Variants in ZNHIT6 observed in about 807,000 individuals in gnomAD.
ZNHIT6 encodes zinc finger HIT-type containing 6.
A neutral mutation model predicts 57.2 loss-of-function variants in ZNHIT6; 45 were observed. That is an observed-to-expected ratio of 0.79 (90% CI 0.62 to 1.01). ZNHIT6 has a LOEUF of 1.01. Among genes scored for constraint, ZNHIT6 ranks in the 50% least tolerant of loss-of-function variants. The probability of loss-of-function intolerance (pLI) is 0.00; values close to 1 mark genes in which losing one functional copy is unlikely to be tolerated. For synonymous variants in ZNHIT6, 188 were observed against 190.0 expected (o/e 0.99, Z 0.09); for missense variants, 528 against 567.3 (o/e 0.93, Z 0.70).
chr1:85,707,425 T>C (rs115850100), intron 1 of ZNHIT6, among the ~76,000 whole-genome samples: 174 of 152,290 alleles, frequency 1.1e-3, no homozygotes, highest in Non-Finnish European at 2.0e-3. Flanking sequence ...ACTAATTTCA[T>C]GTATTTTCAC....
chr1:85,687,122 CA>C (rs1234074736), intron 5 of ZNHIT6, among the ~76,000 whole-genome samples: 1 of 147,482 alleles, frequency 6.8e-6, no homozygotes, highest in Non-Finnish European at 1.5e-5. Context: ...ATACAAAAAA[CA>C]AAAAAAAATT....
At chr1:85,671,906 A>C (rs1661565694) in intron 8 of ZNHIT6, among the ~76,000 whole-genome samples, 1 of 152,210 alleles carries the variant, frequency 6.6e-6, no homozygotes, top group Non-Finnish European at 1.5e-5. Context: ...GGAAGCAGTT[A>C]CAATAAACTT....
At chr1:85,687,448 C>G (rs376607886) in intron 5 of ZNHIT6, among the ~76,000 whole-genome samples, 4 of 151,906 alleles carry the variant, frequency 2.6e-5, no homozygotes, top group East Asian at 1.9e-4. Flanking sequence ...TGAAACTAGA[C>G]ACATTAATAC....
chr1:85,698,029 TA>T (rs1349063965), intron 5 of ZNHIT6, among the ~76,000 whole-genome samples: 1 of 152,152 alleles, frequency 6.6e-6, no homozygotes, highest in Non-Finnish European at 1.5e-5. Context: ...TACTCCAAAA[TA>T]AGGAGGAGAG....
chr1:85,698,159 C>T (rs534329518), intron 5 of ZNHIT6, among the ~76,000 whole-genome samples: 3 of 152,304 alleles, frequency 2.0e-5, no homozygotes, highest in Non-Finnish European at 2.9e-5. Context: ...CACTGTGGTA[C>T]TCCTGCAAAT....
chr1:85,662,870 A>G (rs1339051222), intron 8 of ZNHIT6, among the ~76,000 whole-genome samples: 1 of 152,214 alleles, frequency 6.6e-6, no homozygotes, highest in Non-Finnish European at 1.5e-5. Flanking sequence ...TAACCATGAT[A>G]TTTAAACTAT....
chr1:85,675,096 C>T (rs1017331263), intron 8 of ZNHIT6, among the ~76,000 whole-genome samples: 12 of 152,092 alleles, frequency 7.9e-5, no homozygotes, highest in African/African-American at 2.9e-4. Flanking sequence ...GATGTTATGT[C>T]CCCAAAGGGA....
chr1:85,704,247 C>G (rs1463400221), intron 4 of ZNHIT6, among the ~76,000 whole-genome samples: 99 of 152,118 alleles, frequency 6.5e-4, no homozygotes, highest in Non-Finnish European at 5.9e-5. Context: ...GCATACCACA[C>G]AACAAAGCAA....
intron 5 of ZNHIT6, among the ~76,000 whole-genome samples, chr1:85,689,580 A>G (rs1408564483): frequency 1.3e-5 from 2 of 152,180 alleles, no homozygotes; most frequent in African/African-American, 4.8e-5. Flanking sequence ...AAAAAGGTTA[A>G]CTATGTGGTA....
intron 8 of ZNHIT6, among the ~76,000 whole-genome samples, chr1:85,660,322 A>C (rs1237392999): frequency 1.3e-5 from 2 of 152,202 alleles, no homozygotes; most frequent in African/African-American, 4.8e-5. Context: ...TAGCTAAATC[A>C]TAAGGCTTCT....
At chr1:85,657,697 C>T in intron 9 of ZNHIT6, 150 bp downstream of exon 9, 1 of 676,988 alleles carries the variant, frequency 1.5e-6, no homozygotes, top group South Asian at 2.6e-5. Context: ...ATTGCATTTA[C>T]CTGGTTCTTC....
intron 5 of ZNHIT6, among the ~76,000 whole-genome samples, chr1:85,695,881 A>C (rs1435932104): frequency 1.3e-5 from 2 of 152,166 alleles, no homozygotes; most frequent in African/African-American, 4.8e-5. Flanking sequence ...CTAAAAATAC[A>C]AAAAATTAGC....
At position 85,662,224 on chromosome 1, in the gene ZNHIT6, C is replaced by T. The variant is rs1263314331; in HGVS notation, c.1248-4253G>A. 1.3e-5 allele frequency among the ~76,000 whole-genome samples: 2 copies of T among 151,264 alleles called. 1 individual carries two copies. The highest frequency in any genetic ancestry group is 4.9e-5 in the African/African-American group (2 of 41,212). ...TTTAAAGAAACGAAATCACAAACCA[C>T]TTTATGTCCCATCTGATCACTGACA... On this transcript the variant is annotated intron_variant, in intron 8 of 9. Coordinates refer to ENST00000370574, the MANE Select transcript of ZNHIT6 (RefSeq NM_017953.4).
intron 9 of ZNHIT6, among the ~76,000 whole-genome samples, chr1:85,655,241 A>G (rs1431269049): frequency 6.6e-6 from 1 of 152,282 alleles, no homozygotes; most frequent in South Asian, 2.1e-4. Flanking sequence ...TTGTATAATA[A>G]GTTTTACATG....
intron 9 of ZNHIT6, among the ~76,000 whole-genome samples, chr1:85,657,096 A>T (rs915720143): frequency 1.3e-5 from 2 of 152,114 alleles, no homozygotes; most frequent in African/African-American, 4.8e-5. Flanking sequence ...AATCTTCCTC[A>T]CTTCTTAAAG....
intron 8 of ZNHIT6, among the ~76,000 whole-genome samples, chr1:85,667,405 C>G (rs887832448): frequency 6.6e-6 from 1 of 152,074 alleles, no homozygotes; most frequent in Non-Finnish European, 1.5e-5. Flanking sequence ...AAAACTTATT[C>G]AGGGCCTTCA....
Position 85,702,171 on chromosome 1 carries a change from G to A in ZNHIT6, c.1005C>T (p.Thr335=), listed in dbSNP as rs1662554545. ...NGFTKRKENS[T]FFDKKKQQFC... ...TAGAAACTTACTTCTTATCAAAAAA[G>A]GTTGAATTCTCCTTCCTCTTGGTGA... Residue 335 remains threonine (T), a synonymous_variant, in exon 5 of 10, where the codon ACC becomes ACT. Transcript: ENST00000370574. 1 of 1,603,902 alleles carries A rather than the reference G, an allele frequency of 6.2e-7. No homozygotes were observed. Among genetic ancestry groups the A allele is most frequent in the Non-Finnish European group, 8.5e-7 (1 of 1,176,248 alleles).
At chr1:85,662,155 TAAA>T (rs5775861) in intron 8 of ZNHIT6, among the ~76,000 whole-genome samples, 1 of 144,844 alleles carries the variant, frequency 6.9e-6, no homozygotes, top group African/African-American at 2.6e-5. Flanking sequence ...TAGTGTGCTT[TAAA>T]AAAAAAAAAA....
intron 5 of ZNHIT6, among the ~76,000 whole-genome samples, chr1:85,694,749 C>T (rs1662318445): frequency 6.6e-6 from 1 of 152,162 alleles, no homozygotes; most frequent in African/African-American, 2.4e-5. Context: ...CATGAGCCAC[C>T]ACGGCTGGCC....
Sources: allele counts gnomAD v4.1 joint callset (sites outside exome capture counted in the v4.1 genomes callset), GRCh38; gene constraint gnomAD v4.1.1; transcripts MANE v1.5; gene names NCBI Gene and HGNC (gene_info 2026-07-23, HGNC 2026-07-21).